RNLS: variants seen among roughly 807,000 people sequenced by gnomAD.
The protein encoded by RNLS is renalase, FAD dependent amine oxidase.
In RNLS, 39 loss-of-function variants were observed where a neutral mutation model predicts 39.8. That is an observed-to-expected ratio of 0.98 (90% CI 0.76 to 1.28). RNLS has a LOEUF of 1.28. Among genes scored for constraint, RNLS ranks in the 50% most tolerant of loss-of-function variants. The pLI, the probability that RNLS is intolerant of heterozygous loss-of-function variation, is 0.00. For missense variants in RNLS, 410 were observed against 413.3 expected, an observed-to-expected ratio of 0.99 and a Z score of 0.07; for synonymous variants, 147 against 150.7, an observed-to-expected ratio of 0.98 and a Z score of 0.18.
intron 4 of RNLS, among the ~76,000 whole-genome samples, chr10:88,399,126 A>T (rs1852749597): frequency 6.6e-6 from 1 of 151,984 alleles, no homozygotes; most frequent in African/African-American, 2.4e-5. Context: ...AATCAAAGAG[A>T]CAATAACAAG....
intron 4 of RNLS, among the ~76,000 whole-genome samples, chr10:88,532,548 G>A (rs1177211516): frequency 6.6e-6 from 1 of 152,008 alleles, no homozygotes; most frequent in Non-Finnish European, 1.5e-5. Flanking sequence ...CTATGTATAA[G>A]CTATTCACAT....
intron 5 of RNLS, among the ~76,000 whole-genome samples, chr10:88,318,378 T>C (rs1845924041): frequency 6.6e-6 from 1 of 152,210 alleles, no homozygotes; most frequent in African/African-American, 2.4e-5. Context: ...CACTGATGGC[T>C]AGGAAGGGTT....
At chr10:88,581,465 T>C in intron 3 of RNLS, 102 bp downstream of exon 3, 1 of 994,922 alleles carries the variant, frequency 1.0e-6, no homozygotes, top group African/African-American at 1.7e-5. Flanking sequence ...ATAGAGCACC[T>C]AATATTTATA....
intron 4 of RNLS, among the ~76,000 whole-genome samples, chr10:88,518,784 T>C (rs947407778): frequency 6.6e-6 from 1 of 151,976 alleles, no homozygotes; most frequent in African/African-American, 2.4e-5. Flanking sequence ...ATGGTATAGA[T>C]GTATCGCTGC....
intron 4 of RNLS, among the ~76,000 whole-genome samples, chr10:88,469,561 A>G (rs1049954790): frequency 6.6e-6 from 1 of 152,220 alleles, no homozygotes; most frequent in Non-Finnish European, 1.5e-5. Context: ...AATTAAAGAA[A>G]TACTGAATTA....
chr10:88,285,073 G>A lies in RNLS; in HGVS notation c.*281C>T. 1 of 1,016,084 alleles carries A rather than the reference G, an allele frequency of 9.8e-7. No individual in the cohort carries two copies. The highest frequency in any genetic ancestry group is 1.2e-6 in the Non-Finnish European group (1 of 848,902). The allele number at this position is 1,016,084 out of a possible 1,614,324, so 62.9% of individuals were successfully genotyped here. ...GATTTAATGTAATTTTTTTGAGAGA[G>A]TCGTTTGTTATTTTTTAAGTACCAC... is the stretch of plus-strand genomic sequence containing the variant. On this transcript the variant is annotated 3_prime_UTR_variant, in exon 7 of 7. Coordinates refer to ENST00000331772, the MANE Select transcript of RNLS (RefSeq NM_001031709.3).
At chr10:88,393,591 C>A (rs576873511) in intron 4 of RNLS, among the ~76,000 whole-genome samples, 1 of 152,136 alleles carries the variant, frequency 6.6e-6, no homozygotes, top group Non-Finnish European at 1.5e-5. Context: ...TAGGCAGAAT[C>A]AATATCGTGA....
At chr10:88,574,499 T>C (rs1850038891) in intron 3 of RNLS, among the ~76,000 whole-genome samples, 1 of 152,232 alleles carries the variant, frequency 6.6e-6, no homozygotes. Context: ...ATTCAAAATA[T>C]CTGCATGCTT....
chr10:88,481,283 G>C (rs1002474209), intron 4 of RNLS, among the ~76,000 whole-genome samples: 34 of 152,118 alleles, frequency 2.2e-4, no homozygotes, highest in African/African-American at 8.0e-4. Context: ...TCTGTCTTCT[G>C]ACTGAGATGT....
chr10:88,531,610 A>G (rs941433946), intron 4 of RNLS, among the ~76,000 whole-genome samples: 1 of 151,970 alleles, frequency 6.6e-6, no homozygotes, highest in Non-Finnish European at 1.5e-5. Flanking sequence ...ATTTCCACCA[A>G]TTCTGGATTT....
chr10:88,567,091 G>T (rs1425062411), intron 4 of RNLS, among the ~76,000 whole-genome samples: 1 of 151,982 alleles, frequency 6.6e-6, no homozygotes, highest in Non-Finnish European at 1.5e-5. Context: ...TGAAACTAAA[G>T]AGAGAACTTT....
chr10:88,230,418 GC>G, the RNLS span, among the ~76,000 whole-genome samples: 1 of 151,798 alleles, frequency 6.6e-6, no homozygotes. Context: ...CACCTGAGTC[GC>G]CCCCTCTGCT....
chr10:88,471,666 A>G (rs889241235), intron 4 of RNLS, among the ~76,000 whole-genome samples: 8 of 152,222 alleles, frequency 5.3e-5, no homozygotes, highest in African/African-American at 1.9e-4. Flanking sequence ...ATCGTTTACT[A>G]TAGTGAAAGG....
chr10:88,425,099 T>C (rs1431296704), intron 4 of RNLS, among the ~76,000 whole-genome samples: 1 of 152,134 alleles, frequency 6.6e-6, no homozygotes, highest in Admixed American at 6.6e-5. Flanking sequence ...GCCACAGCCA[T>C]TGGCAGCATG....
chr10:88,476,002 T>TAA (rs1843805717), intron 4 of RNLS, among the ~76,000 whole-genome samples: 1 of 152,200 alleles, frequency 6.6e-6, no homozygotes, highest in Non-Finnish European at 1.5e-5. Flanking sequence ...GGAGATGTTC[T>TAA]ATAAATCCAG....
intron 5 of RNLS, among the ~76,000 whole-genome samples, chr10:88,328,183 T>C (rs1846780907): frequency 6.6e-6 from 1 of 152,204 alleles, no homozygotes; most frequent in South Asian, 2.1e-4. Context: ...GCTGGGATTA[T>C]AGGCAGAAGC....
chr10:88,496,047 A>G (rs1024578521), intron 4 of RNLS, among the ~76,000 whole-genome samples: 1 of 152,134 alleles, frequency 6.6e-6, no homozygotes, highest in African/African-American at 2.4e-5. Context: ...TGCTTTCCAT[A>G]TGGGTTGCAG....
the RNLS span, among the ~76,000 whole-genome samples, chr10:88,172,842 GTTTTT>G: frequency 7.1e-4 from 31 of 43,758 alleles, no homozygotes; most frequent in South Asian, 1.8e-3. Flanking sequence ...ATTTTGAGTT[GTTTTT>G]TTTTTTTTTT....
chr10:88,516,758 T>C (rs971539404), intron 4 of RNLS, among the ~76,000 whole-genome samples: 4 of 152,070 alleles, frequency 2.6e-5, no homozygotes, highest in Non-Finnish European at 5.9e-5. Context: ...AAATTAATTA[T>C]TGGACACCAA....
Sources: gnomAD v4.1 joint callset for allele counts (sites outside exome capture counted in the v4.1 genomes callset) on GRCh38, gnomAD v4.1.1 for gene constraint, MANE v1.5 for transcripts, NCBI Gene and HGNC (gene_info 2026-07-23, HGNC 2026-07-21) for gene names.